The following INTS15 variants were observed in gnomAD, a reference collection of about 807,000 sequenced individuals.
The protein encoded by INTS15 is integrator complex subunit 15.
the INTS15 span, among the ~76,000 whole-genome samples, chr7:6,598,631 G>A: frequency 6.6e-6 from 1 of 152,110 alleles, no homozygotes; most frequent in African/African-American, 2.4e-5. Context: ...ACGCCCTCCT[G>A]TGCACACAGG....
chr7:6,606,200 ATAG>A, the INTS15 span, among the ~76,000 whole-genome samples: 3 of 152,172 alleles, frequency 2.0e-5, no homozygotes, highest in Non-Finnish European at 4.4e-5. Flanking sequence ...GGGTTATTTA[ATAG>A]TAGTAACAGA....
chr7:6,594,435 C>T, the INTS15 span: 6 of 1,613,744 alleles, frequency 3.7e-6, no homozygotes, highest in East Asian at 2.2e-5. Context: ...TTCTTTCCAG[C>T]GGACGCCCGT....
chr7:6,608,097 T>A, the INTS15 span: 4 of 874,864 alleles, frequency 4.6e-6, no homozygotes, highest in Non-Finnish European at 4.7e-6. Flanking sequence ...CACCCCGCCC[T>A]GCCCACGCAT....
chr7:6,604,451 AG>A, the INTS15 span, among the ~76,000 whole-genome samples: 3 of 152,160 alleles, frequency 2.0e-5, no homozygotes, highest in Non-Finnish European at 4.4e-5. Flanking sequence ...GCACATGGAC[AG>A]GGTTTATAGA....
At chr7:6,594,253 G>A in the INTS15 span, among the ~76,000 whole-genome samples, 57 of 151,946 alleles carry the variant, frequency 3.8e-4, no homozygotes, top group African/African-American at 1.4e-3. Context: ...GTGATCACCC[G>A]CCTCGGCCTC....
chr7:6,599,954 G>A, the INTS15 span: 1 of 1,614,178 alleles, frequency 6.2e-7, no homozygotes, highest in East Asian at 2.2e-5. Flanking sequence ...AGGATTCTTA[G>A]AGCTCACCCC....
At chr7:6,608,072 G>A in the INTS15 span, 2 of 1,580,442 alleles carry the variant, frequency 1.3e-6, no homozygotes, top group South Asian at 2.2e-5. Context: ...GGCTGTCCCG[G>A]CCCACCCCGC....
chr7:6,608,019 C>T, the INTS15 span: 4 of 1,600,268 alleles, frequency 2.5e-6, no homozygotes, highest in African/African-American at 1.3e-5. Flanking sequence ...GCGCTCCCCC[C>T]GGGGTTCTAC....
the INTS15 span, among the ~76,000 whole-genome samples, chr7:6,593,567 C>G: frequency 6.6e-6 from 1 of 151,784 alleles, no homozygotes; most frequent in South Asian, 2.1e-4. Flanking sequence ...ATCTCCTGAC[C>G]TTGTGATCCG....
the INTS15 span, chr7:6,607,736 C>T: frequency 8.0e-6 from 12 of 1,503,698 alleles, 1 homozygote; most frequent in South Asian, 1.3e-5. This position sits in a 1 kb window ranked among gnomAD's most constrained non-coding sequence, Gnocchi z 6.0. Context: ...GCCGGAGCTC[C>T]GTGGGCCACA....
chr7:6,592,678 A>AC, the INTS15 span, among the ~76,000 whole-genome samples: 6 of 146,260 alleles, frequency 4.1e-5, no homozygotes, highest in African/African-American at 1.5e-4. Flanking sequence ...GTGCAATCTT[A>AC]GCTCACTACA....
the INTS15 span, among the ~76,000 whole-genome samples, chr7:6,597,404 C>T: frequency 1.3e-5 from 2 of 152,002 alleles, no homozygotes; most frequent in East Asian, 1.9e-4. Context: ...AAGCGAGTCT[C>T]CTGCTTCAGC....
chr7:6,601,477 G>T, the INTS15 span, among the ~76,000 whole-genome samples: 2 of 151,714 alleles, frequency 1.3e-5, no homozygotes, highest in Non-Finnish European at 2.9e-5. Flanking sequence ...TGTATTTTTA[G>T]TAGAGACGGG....
At chr7:6,605,386 T>C in the INTS15 span, among the ~76,000 whole-genome samples, 5 of 152,192 alleles carry the variant, frequency 3.3e-5, no homozygotes, top group Non-Finnish European at 1.5e-5. Context: ...CAGGAATCCC[T>C]TTGTGATAGT....
At chr7:6,607,840 G>T in the INTS15 span, 2 of 1,521,432 alleles carry the variant, frequency 1.3e-6, no homozygotes, top group Non-Finnish European at 1.8e-6. This position sits in a 1 kb window ranked among gnomAD's most constrained non-coding sequence, Gnocchi z 6.0. Flanking sequence ...CCCCCGGGTG[G>T]TCCGTGCCTG....
At chr7:6,601,034 C>T in the INTS15 span, among the ~76,000 whole-genome samples, 4 of 152,126 alleles carry the variant, frequency 2.6e-5, no homozygotes, top group Admixed American at 6.6e-5. Context: ...GTGGCACGAT[C>T]GTAGCTCGCC....
chr7:6,602,215 C>T, the INTS15 span: 4 of 1,319,772 alleles, frequency 3.0e-6, no homozygotes, highest in Non-Finnish European at 4.2e-6. Context: ...GGGCGAGCCC[C>T]TTTGTCCTGG....
At chr7:6,600,423 G>A in the INTS15 span, 4 of 1,458,478 alleles carry the variant, frequency 2.7e-6, no homozygotes, top group South Asian at 1.3e-5. Context: ...GGAAGGAGGG[G>A]CTCCTGGACA....
the INTS15 span, among the ~76,000 whole-genome samples, chr7:6,594,257 C>T: frequency 1.3e-5 from 2 of 152,038 alleles, no homozygotes; most frequent in South Asian, 2.1e-4. Flanking sequence ...TCACCCGCCT[C>T]GGCCTCTCAA....
Sources: allele counts gnomAD v4.1 joint callset (sites outside exome capture counted in the v4.1 genomes callset), GRCh38; gene constraint gnomAD v4.1.1; non-coding constraint Gnocchi (gnomAD v3.1); transcripts MANE v1.5; gene names NCBI Gene and HGNC (gene_info 2026-07-23, HGNC 2026-07-21).